Variants in DLG2 observed in about 807,000 individuals in gnomAD.
The protein encoded by DLG2 is discs large MAGUK scaffold protein 2.
Under a neutral mutation model 132.5 loss-of-function variants are expected in DLG2, and 45 were observed. The observed-to-expected ratio is 0.34, with a 90% CI of 0.27 to 0.44. The LOEUF (loss-of-function observed/expected upper bound fraction) is 0.44. DLG2 is among the 20% of genes least tolerant of loss of function. DLG2 has a pLI of 1.00. For missense variants in DLG2, 1,045 were observed against 1,196.9 expected (o/e 0.87, Z 1.87); for synonymous variants, 424 against 419.6 (o/e 1.01, Z -0.13).
intron 6 of DLG2, among the ~76,000 whole-genome samples, chr11:84,810,897 C>T (rs1200782025): frequency 6.6e-6 from 1 of 152,030 alleles, no homozygotes; most frequent in African/African-American, 2.4e-5. Flanking sequence ...AAATGGAGAA[C>T]AGATCAGTGG....
chr11:83,629,047 G>GCT (rs1480743827), intron 19 of DLG2, among the ~76,000 whole-genome samples: 1 of 152,080 alleles, frequency 6.6e-6, no homozygotes, highest in Non-Finnish European at 1.5e-5. Flanking sequence ...TATTTGAAAG[G>GCT]CTCTTGGTTA....
intron 11 of DLG2, among the ~76,000 whole-genome samples, chr11:84,022,380 A>G (rs1248193569): frequency 6.6e-6 from 1 of 152,180 alleles, no homozygotes; most frequent in Non-Finnish European, 1.5e-5. Context: ...CAAGCTCAAC[A>G]ACACTTAGTC....
intron 3 of DLG2, chr11:85,285,998 T>A: frequency 6.0e-6 from 2 of 335,992 alleles, no homozygotes; most frequent in African/African-American, 2.3e-5. Flanking sequence ...AGTCAGAGGA[T>A]CCCAAGATGA....
chr11:84,979,703 T>C (rs2055452453), intron 6 of DLG2, among the ~76,000 whole-genome samples: 1 of 152,048 alleles, frequency 6.6e-6, no homozygotes, highest in South Asian at 2.1e-4. Flanking sequence ...ATACCTAATA[T>C]TAAATGACAA....
At chr11:83,919,501 C>A (rs1364717559) in intron 15 of DLG2, among the ~76,000 whole-genome samples, 1 of 152,092 alleles carries the variant, frequency 6.6e-6, no homozygotes, top group Non-Finnish European at 1.5e-5. Flanking sequence ...ATATTCTATC[C>A]ATAATAAATT....
intron 21 of DLG2, among the ~76,000 whole-genome samples, chr11:83,494,836 T>C (rs903355922): frequency 6.6e-6 from 1 of 152,098 alleles, no homozygotes; most frequent in Non-Finnish European, 1.5e-5. Flanking sequence ...CTAGAAAATC[T>C]CATCAAATCT....
intron 3 of DLG2, among the ~76,000 whole-genome samples, chr11:85,417,329 T>C (rs2089952890): frequency 6.6e-6 from 1 of 152,226 alleles, no homozygotes; most frequent in Non-Finnish European, 1.5e-5. Context: ...TTTGATGTGT[T>C]GCTGGATTTG....
intron 6 of DLG2, among the ~76,000 whole-genome samples, chr11:84,759,754 C>T (rs1304778539): frequency 6.6e-6 from 1 of 152,058 alleles, no homozygotes; most frequent in East Asian, 1.9e-4. Context: ...AACTTGTCTT[C>T]ATATGCTACT....
At chr11:84,177,479 G>A (rs58961837) in intron 8 of DLG2, among the ~76,000 whole-genome samples, 2,715 of 152,242 alleles carry the variant, frequency 0.018, 58 homozygotes, top group African/African-American at 0.06. Flanking sequence ...AGTCAGACAT[G>A]TAGGCTAATC....
intron 4 of DLG2, among the ~76,000 whole-genome samples, chr11:85,236,581 G>C (rs970299863): frequency 3.3e-5 from 5 of 151,962 alleles, no homozygotes; most frequent in African/African-American, 1.2e-4. Flanking sequence ...GTCATATTCT[G>C]AGGTAATGGG....
At chr11:84,630,437 T>C (rs1214502844) in intron 6 of DLG2, among the ~76,000 whole-genome samples, 1 of 152,224 alleles carries the variant, frequency 6.6e-6, no homozygotes, top group Non-Finnish European at 1.5e-5. Context: ...TGCTCTTAAC[T>C]GCAAGTCCTT....
In DLG2 at chr11:84,736,177, G is replaced by A. The variant is rs540879096; in HGVS notation, c.358-201446C>T. Among the ~76,000 whole-genome samples, 87 of 151,842 alleles carry A rather than the reference G, an allele frequency of 5.7e-4. 3 individuals are homozygous for A. The highest frequency in any genetic ancestry group is 1.9e-3 in the African/African-American group (77 of 41,492). ...CTATCCTTTTTCCATTTAATTGTAT[G>A]TCTTTGTCCTTATATGTATGGTTTA... On this transcript the variant is annotated intron_variant, in intron 6 of 27. Coordinates refer to ENST00000376104, the MANE Select transcript of DLG2 (RefSeq NM_001142699.3).
At chr11:85,042,995 T>C (rs1363884742) in intron 6 of DLG2, among the ~76,000 whole-genome samples, 2 of 151,886 alleles carry the variant, frequency 1.3e-5, no homozygotes, top group Non-Finnish European at 2.9e-5. Flanking sequence ...ATTTGAACCA[T>C]TTCAGGCATA....
intron 3 of DLG2, among the ~76,000 whole-genome samples, chr11:85,570,337 T>G (rs113251694): frequency 1.3e-5 from 2 of 152,192 alleles, no homozygotes; most frequent in Non-Finnish European, 2.9e-5. Flanking sequence ...ATATTCCATA[T>G]GGACTTGAGA....
chr11:85,103,101 T>C (rs2071139194), intron 6 of DLG2, among the ~76,000 whole-genome samples: 1 of 151,878 alleles, frequency 6.6e-6, no homozygotes, highest in Non-Finnish European at 1.5e-5. Context: ...TATAAAACAT[T>C]GTAGAAAAAT....
chr11:83,738,872 T>C (rs1268785018), intron 18 of DLG2, among the ~76,000 whole-genome samples: 3 of 152,168 alleles, frequency 2.0e-5, no homozygotes, highest in Non-Finnish European at 4.4e-5. Context: ...TCTTCTGCCA[T>C]CAAGGTGAAC....
intron 17 of DLG2, among the ~76,000 whole-genome samples, chr11:83,823,209 C>T (rs948430193): frequency 2.6e-5 from 4 of 152,066 alleles, no homozygotes; most frequent in African/African-American, 7.2e-5. Context: ...ATGATCAAGT[C>T]GATGATCACT....
At chr11:83,812,995 C>T (rs1473615943) in intron 17 of DLG2, among the ~76,000 whole-genome samples, 1 of 152,112 alleles carries the variant, frequency 6.6e-6, no homozygotes, top group Non-Finnish European at 1.5e-5. Context: ...GTGTCAGGCA[C>T]CATGATGGGT....
At chr11:84,389,115 C>T (rs1396423869) in intron 7 of DLG2, among the ~76,000 whole-genome samples, 1 of 152,114 alleles carries the variant, frequency 6.6e-6, no homozygotes, top group African/African-American at 2.4e-5. Context: ...GCTAATGTTG[C>T]TAGGAGGATT....
Sources: allele counts gnomAD v4.1 joint callset (sites outside exome capture counted in the v4.1 genomes callset), GRCh38; gene constraint gnomAD v4.1.1; transcripts MANE v1.5; gene names NCBI Gene and HGNC (gene_info 2026-07-23, HGNC 2026-07-21).